The following EML6 variants were observed in gnomAD, a reference collection of about 807,000 sequenced individuals.
EML6 encodes the protein echinoderm microtubule-associated protein-like 6.
EML6 carries 154 observed loss-of-function variants against 240.1 expected under a neutral mutation model. The ratio of observed to expected loss-of-function variants is 0.64; its 90% CI spans 0.56 to 0.73. EML6 has a LOEUF of 0.73. Among genes scored for constraint, EML6 ranks in the 30% least tolerant of loss-of-function variants. The pLI, the probability that EML6 is intolerant of heterozygous loss-of-function variation, is 0.00. For missense variants in EML6, 2,964 were observed against 2,474.6 expected (o/e 1.20, Z -4.20); for synonymous variants, 1,148 against 899.0 (o/e 1.28, Z -4.95).
intron 2 of EML6, among the ~76,000 whole-genome samples, chr2:54,809,426 G>C (rs1667709963): frequency 6.6e-6 from 1 of 152,146 alleles, no homozygotes; most frequent in Non-Finnish European, 1.5e-5. Flanking sequence ...CTTATCAAAA[G>C]CCCAGGGATT....
At position 54,725,283 on chromosome 2, in the gene EML6, G is replaced by T; in HGVS notation, c.197+25G>T. 1 of 1,388,032 alleles carries T rather than the reference G, an allele frequency of 7.2e-7. No homozygotes were observed. Among genetic ancestry groups the T allele is most frequent in the South Asian group, 1.6e-5 (1 of 61,812 alleles). The allele number at this position is 1,388,032 out of a possible 1,614,324, so 86.0% of individuals were successfully genotyped here. ...GGTAAGGGGGTGGCCAGGGGCGGCGGGGAGGGGTTGCGTGTGGAGGCTGGG... is the reference window on the plus strand; with the variant it reads ...GGTAAGGGGGTGGCCAGGGGCGGCGTGGAGGGGTTGCGTGTGGAGGCTGGG... On this transcript the variant is annotated intron_variant, in intron 2 of 41. Coordinates refer to ENST00000356458, the MANE Select transcript of EML6 (RefSeq NM_001039753.4). The surrounding 1 kb of genome is among the most constrained non-coding windows in gnomAD (Gnocchi z 4.3).
intron 26 of EML6, among the ~76,000 whole-genome samples, chr2:54,923,484 C>G (rs751032762): frequency 2.6e-5 from 4 of 151,608 alleles, no homozygotes; most frequent in Non-Finnish European, 4.4e-5. Context: ...ATATCAGATT[C>G]TGTTGTACAC....
In EML6 at chr2:54,962,519, A is replaced by T; in HGVS notation, c.4969-4A>T. The stretch of plus-strand genomic sequence containing the variant: ...TTTTTCTAATAGTGTTTCAATTACA[A>T]CAGGGAAAAATCTTAGTGGGAACCA... On this transcript the variant is annotated splice_region_variant and splice_polypyrimidine_tract_variant and intron_variant, in intron 35 of 41. Transcript: ENST00000356458. 6.5e-7 allele frequency: 1 copy of T among 1,540,804 alleles called. No homozygotes were observed. The highest frequency in any genetic ancestry group is 8.8e-7 in the Non-Finnish European group (1 of 1,141,548).
chr2:54,967,233 T>C (rs897452742), intron 39 of EML6, 130 bp downstream of exon 39: 24 of 635,356 alleles, frequency 3.8e-5, no homozygotes, highest in Non-Finnish European at 5.5e-5. Context: ...CTTTTGGGGG[T>C]GAGGGTGGGA....
At chr2:54,882,873 A>AAAAAAAAGAG (rs796515025) in intron 17 of EML6, 3 of 112,398 alleles carry the variant, frequency 2.7e-5, no homozygotes, top group African/African-American at 1.1e-4. Context: ...AAAAAAAAAA[A>AAAAAAAAGAG]AGAAAGCTTA....
At chr2:54,873,845 G>A (rs373183901) in intron 16 of EML6, among the ~76,000 whole-genome samples, 7 of 144,522 alleles carry the variant, frequency 4.8e-5, no homozygotes, top group Non-Finnish European at 7.5e-5. Flanking sequence ...CAAACAATCT[G>A]GCAATGTATA....
chr2:54,862,514 A>T (rs1670734413), intron 12 of EML6, among the ~76,000 whole-genome samples: 1 of 152,016 alleles, frequency 6.6e-6, no homozygotes, highest in African/African-American at 2.4e-5. Context: ...AAAAAGAGTA[A>T]AGATAGCTTA....
chr2:54,744,893 AACACACACACGT>A (rs1683831626), intron 2 of EML6, among the ~76,000 whole-genome samples: 1 of 134,210 alleles, frequency 7.5e-6, no homozygotes, highest in East Asian at 2.7e-4. Flanking sequence ...TGTATAACAC[AACACACACACGT>A]ACACACACAC....
intron 19 of EML6, among the ~76,000 whole-genome samples, chr2:54,893,823 T>G (rs1672610460): frequency 6.6e-6 from 1 of 152,194 alleles, no homozygotes. Context: ...ACGGTTGTTT[T>G]GCTGGCAAAG....
chr2:54,823,894 C>G (rs1037481081), intron 5 of EML6, among the ~76,000 whole-genome samples: 1 of 148,816 alleles, frequency 6.7e-6, no homozygotes, highest in Non-Finnish European at 1.5e-5. Context: ...CTCTCTCTCT[C>G]TCTCTCAGAG....
intron 14 of EML6, chr2:54,868,600 C>CA (rs1020413918): frequency 9.9e-5 from 15 of 152,076 alleles, no homozygotes; most frequent in Admixed American, 1.3e-4. Flanking sequence ...TGATATATCA[C>CA]AAAAAATAAT....
chr2:54,940,174 A>G (rs1185993871), intron 28 of EML6, among the ~76,000 whole-genome samples: 3 of 152,210 alleles, frequency 2.0e-5, no homozygotes, highest in Non-Finnish European at 4.4e-5. Flanking sequence ...CCACTGTAGT[A>G]TTAGCATTTT....
intron 25 of EML6, among the ~76,000 whole-genome samples, chr2:54,915,096 C>A (rs1197812903): frequency 6.6e-6 from 1 of 152,174 alleles, no homozygotes; most frequent in African/African-American, 2.4e-5. Flanking sequence ...CATCTTAGTT[C>A]CAGCATTTTC....
chr2:54,855,464 C>A (rs563166384), intron 11 of EML6, among the ~76,000 whole-genome samples: 15 of 139,300 alleles, frequency 1.1e-4, no homozygotes, highest in Middle Eastern at 3.8e-3. Flanking sequence ...CCATGCCCCC[C>A]CCCCGCCCTC....
intron 5 of EML6, among the ~76,000 whole-genome samples, chr2:54,825,135 T>C (rs1668525957): frequency 6.6e-6 from 1 of 152,192 alleles, no homozygotes. Context: ...TCTGGAAATA[T>C]TCAGATAACT....
chr2:54,800,816 A>G (rs1670096527), intron 2 of EML6, among the ~76,000 whole-genome samples: 1 of 152,152 alleles, frequency 6.6e-6, no homozygotes, highest in Non-Finnish European at 1.5e-5. Flanking sequence ...TTACCTCTGT[A>G]TAATAGACAT....
intron 13 of EML6, among the ~76,000 whole-genome samples, chr2:54,864,538 C>T (rs766164969): frequency 2.0e-5 from 3 of 152,140 alleles, no homozygotes; most frequent in South Asian, 2.1e-4. Context: ...ACAGCAATAA[C>T]CATGGGGGTT....
At chr2:54,954,783 AGTCCT>A (rs1676155626) in intron 32 of EML6, among the ~76,000 whole-genome samples, 1 of 152,232 alleles carries the variant, frequency 6.6e-6, no homozygotes, top group Admixed American at 6.5e-5. Flanking sequence ...AAAGATGTGC[AGTCCT>A]CCTCATATAT....
intron 34 of EML6, 65 bp downstream of exon 34, chr2:54,959,326 G>T (rs775634075): frequency 2.1e-6 from 3 of 1,433,796 alleles, no homozygotes; most frequent in Non-Finnish European, 2.8e-6. Context: ...ACTGACAAAA[G>T]TGTTCCCAAC....
Sources: gnomAD v4.1 joint callset for allele counts (sites outside exome capture counted in the v4.1 genomes callset) on GRCh38, gnomAD v4.1.1 for gene constraint, Gnocchi (gnomAD v3.1) non-coding constraint, MANE v1.5 for transcripts, NCBI Gene and HGNC (gene_info 2026-07-23, HGNC 2026-07-21) for gene names.